NAP1L4: variants seen among roughly 807,000 people sequenced by gnomAD.
NAP1L4 encodes nucleosome assembly protein 1 like 4.
NAP1L4 carries 15 observed loss-of-function variants against 58.2 expected under a neutral mutation model. That is an observed-to-expected ratio of 0.26 (90% CI 0.17 to 0.40). The LOEUF is 0.40. Among genes scored for constraint, NAP1L4 ranks in the 10% least tolerant of loss-of-function variants. NAP1L4 has a pLI of 1.00. For synonymous variants in NAP1L4, 171 were observed against 155.6 expected (o/e 1.10, Z -0.74); for missense variants, 384 against 451.1 (o/e 0.85, Z 1.35).
At chr11:2,990,341 ATAAC>A (rs1476709061) in intron 1 of NAP1L4, 3 of 152,340 alleles carry the variant, frequency 2.0e-5, no homozygotes, top group East Asian at 1.9e-4. Context: ...CTACTACTAA[ATAAC>A]TAATTTTCTC....
chr11:2,972,908 C>G (rs1055231406), intron 4 of NAP1L4, among the ~76,000 whole-genome samples: 2 of 152,008 alleles, frequency 1.3e-5, no homozygotes, highest in African/African-American at 4.8e-5. Context: ...GAGGTCAAGG[C>G]AGCAGGGAGC....
At chr11:2,967,179 C>T (rs1047075146) in intron 7 of NAP1L4, among the ~76,000 whole-genome samples, 1 of 152,106 alleles carries the variant, frequency 6.6e-6, no homozygotes, top group Non-Finnish European at 1.5e-5. Context: ...CCCCTTGAGG[C>T]CAGGAGACTG....
intron 1 of NAP1L4, among the ~76,000 whole-genome samples, chr11:2,989,679 C>A (rs1848840799): frequency 6.6e-6 from 1 of 152,222 alleles, no homozygotes. Flanking sequence ...AGTCCCCACA[C>A]TTAGCTGCGA....
chr11:2,960,841 T>C (rs1258171457), intron 8 of NAP1L4, among the ~76,000 whole-genome samples: 2 of 152,308 alleles, frequency 1.3e-5, no homozygotes, highest in Non-Finnish European at 2.9e-5. Flanking sequence ...AAGAAAAACA[T>C]GGAAGATGCG....
chr11:2,982,254 AAC>A (rs1848365309), intron 1 of NAP1L4, among the ~76,000 whole-genome samples: 2 of 152,358 alleles, frequency 1.3e-5, no homozygotes, highest in South Asian at 4.1e-4. Context: ...ATACTGCCAA[AAC>A]AGTTACACAA....
chr11:2,978,082 T>C (rs533564810), intron 3 of NAP1L4, among the ~76,000 whole-genome samples: 1 of 152,356 alleles, frequency 6.6e-6, no homozygotes, highest in Admixed American at 6.5e-5. Flanking sequence ...GACTGTACTA[T>C]TACTCTCTTT....
chr11:2,967,138 G>A (rs115887199), intron 7 of NAP1L4, among the ~76,000 whole-genome samples: 128 of 152,254 alleles, frequency 8.4e-4, no homozygotes, highest in African/African-American at 2.9e-3. Context: ...GCATAGTGGC[G>A]CATATCTACA....
rs1436561418 is a variant in NAP1L4 at position 2,945,587 on chromosome 11, C to T, written c.*92G>A. 8.5e-6 allele frequency: 13 copies of T among 1,535,646 alleles called. No individual in the cohort carries two copies. The highest frequency in any genetic ancestry group is 1.1e-5 in the Non-Finnish European group (13 of 1,146,554). ...GCCTGGAGTCCCGACAGCCGGTCTG[C>T]CAGGCACCCGCCTCCGCTTCCTACT... On this transcript the variant is annotated 3_prime_UTR_variant, in exon 16 of 16. Coordinates refer to ENST00000380542, the MANE Select transcript of NAP1L4 (RefSeq NM_005969.4).
Position 2,958,451 on chromosome 11 carries a change from A to C in NAP1L4, c.840T>G (p.Ile280Met), listed in dbSNP as rs765800091. 1.2e-6 allele frequency: 2 copies of C among 1,614,202 alleles called. No homozygotes were observed. Among genetic ancestry groups the C allele is most frequent in the South Asian group, 2.2e-5 (2 of 91,070 alleles). ...KHKGRGTVRT[I>M]TKQVPNESFF... Reference sequence around the variant, plus strand: ...AGGACTCATTGGGTACTTGTTTCGTAATTGTTCTAACAGTGCCTCGACCCT... The same window carrying C: ...AGGACTCATTGGGTACTTGTTTCGTCATTGTTCTAACAGTGCCTCGACCCT... Residue 280 changes from isoleucine (I) to methionine (M), a missense_variant, in exon 10 of 16, where the codon ATT becomes ATG. Around this residue, in one of 3 missense-constraint regions of NAP1L4, gnomAD observed 296 missense variants for 360.8 expected, o/e 0.82. Coordinates refer to ENST00000380542, the MANE Select transcript of NAP1L4 (RefSeq NM_005969.4).
intron 7 of NAP1L4, among the ~76,000 whole-genome samples, chr11:2,967,910 G>A (rs1847383396): frequency 6.6e-6 from 1 of 152,142 alleles, no homozygotes; most frequent in Non-Finnish European, 1.5e-5. Context: ...ACCCAAGGCA[G>A]CACTATCCAT....
At chr11:2,947,882 G>A (rs16928841) in intron 15 of NAP1L4, among the ~76,000 whole-genome samples, 15,776 of 152,282 alleles carry the variant, frequency 0.1, 953 homozygotes, top group African/African-American at 0.15. Flanking sequence ...CTGCGCTGGC[G>A]AAGAAGCCCC....
At chr11:2,979,567 G>C (rs1199164331) in intron 1 of NAP1L4, among the ~76,000 whole-genome samples, 1 of 152,186 alleles carries the variant, frequency 6.6e-6, no homozygotes, top group Non-Finnish European at 1.5e-5. Flanking sequence ...GAGCTCAGGA[G>C]TTCGAGACCG....
chr11:2,967,078 C>T (rs929267191), intron 7 of NAP1L4, among the ~76,000 whole-genome samples: 28 of 152,292 alleles, frequency 1.8e-4, no homozygotes, highest in Admixed American at 1.2e-3. Flanking sequence ...AACAAAGGGA[C>T]TCAGAGTTAA....
In NAP1L4 at chr11:2,951,104, GAATA is replaced by G. The variant is rs1846201031; in HGVS notation, c.1122+151_1122+154del. 1.5e-6 allele frequency: 1 copy of G among 686,654 alleles called. No homozygotes were observed. The highest frequency in any genetic ancestry group is 2.5e-5 in the East Asian group (1 of 39,896). 42.5% of individuals were successfully genotyped at this position (686,654 alleles called of 1,614,324 possible). On this transcript the variant is annotated intron_variant, in intron 14 of 15. Transcript: ENST00000380542. The surrounding 1 kb of genome is among the most constrained non-coding windows in gnomAD (Gnocchi z 4.0). ...CACTCAAATTATAGACACAGTGTCTGAATAATCATTCCACTATTTTTCTGACACA... is the reference window on the plus strand; with the variant it reads ...CACTCAAATTATAGACACAGTGTCTGATCATTCCACTATTTTTCTGACACA...
chr11:2,970,855 CCCCA>C (rs370522726), intron 6 of NAP1L4, among the ~76,000 whole-genome samples: 3,404 of 111,766 alleles, frequency 0.03, 124 homozygotes, highest in African/African-American at 0.088. Context: ...ACCACCCCCC[CCCCA>C]AAAAAAAAAC....
chr11:2,968,212 C>T (rs1292539601), intron 7 of NAP1L4, among the ~76,000 whole-genome samples: 2 of 152,200 alleles, frequency 1.3e-5, no homozygotes, highest in Non-Finnish European at 2.9e-5. Context: ...AGATTTTCAA[C>T]TCTCAGGGTG....
chr11:2,951,464 T>TAA lies in NAP1L4; in HGVS notation c.1066-150_1066-149insTT. ...TGACTCATCACTTCCTTTGGACACT[T>TAA]AGAATTATTTCTAGGTATCTTTTTG... On this transcript the variant is annotated intron_variant, in intron 13 of 15. Transcript: ENST00000380542. The surrounding 1 kb of genome is among the most constrained non-coding windows in gnomAD (Gnocchi z 4.0). The TAA allele has an allele frequency of 2.7e-6, 2 of 728,924 alleles. No individual in the cohort carries two copies. Among genetic ancestry groups the TAA allele is most frequent in the Non-Finnish European group, 4.8e-6 (2 of 420,052 alleles). The allele number at this position is 728,924 out of a possible 1,614,324, so 45.2% of individuals were successfully genotyped here. A position where few individuals can be genotyped will look rare whatever the true frequency, so the allele number is the denominator to read the frequency against.
In NAP1L4 at chr11:2,969,825, T is replaced by C; in HGVS notation, c.512A>G (p.Asp171Gly). 4.3e-6 allele frequency: 7 copies of C among 1,613,448 alleles called. No individual in the cohort carries two copies. Among genetic ancestry groups the C allele is most frequent in the Non-Finnish European group, 5.9e-6 (7 of 1,179,654 alleles). ...EFWFTIFRNV[D>G]MLSELVQEYD... ...TACCTGGACTAATTCACTCAGCATGTCCACATTTCTGAAGATGGTAAACCA... is the reference window on the plus strand; with the variant it reads ...TACCTGGACTAATTCACTCAGCATGCCCACATTTCTGAAGATGGTAAACCA... Residue 171 changes from aspartate (D) to glycine (G), a missense_variant, in exon 7 of 16, where the codon GAC (aspartate) becomes GGC (glycine). This residue lies in a region of NAP1L4 where 296 missense variants were observed against 360.8 expected (regional missense o/e 0.82). Transcript: ENST00000380542.
At position 2,951,726 on chromosome 11, in the gene NAP1L4, G is replaced by A. The variant is rs577377021; in HGVS notation, c.1065+54C>T. On this transcript the variant is annotated intron_variant, in intron 13 of 15. Transcript: ENST00000380542. This position sits in a 1 kb window ranked among gnomAD's most constrained non-coding sequence, Gnocchi z 4.0. ...AGTCCATAACCTTCAAGCAGAGAAA[G>A]CCAAAGAAACAACTTCAGGGAGGTA... 125 of 1,586,176 alleles carry A rather than the reference G, an allele frequency of 7.9e-5. 1 individual carries two copies. The highest frequency in any genetic ancestry group is 5.0e-4 in the Middle Eastern group (3 of 6,002).
Sources: allele counts gnomAD v4.1 joint callset (sites outside exome capture counted in the v4.1 genomes callset), GRCh38; gene constraint gnomAD v4.1.1; regional missense constraint gnomAD v4.1.1; non-coding constraint Gnocchi (gnomAD v3.1); transcripts MANE v1.5; gene names NCBI Gene and HGNC (gene_info 2026-07-23, HGNC 2026-07-21).